EBF4: variants seen among roughly 807,000 people sequenced by gnomAD.
The protein encoded by EBF4 is EBF transcription factor 4, also known as transcription factor COE4.
A neutral mutation model predicts 67.1 loss-of-function variants in EBF4; 34 were observed. The ratio of observed to expected loss-of-function variants is 0.51; its 90% CI spans 0.39 to 0.67. EBF4 has a LOEUF of 0.67. EBF4 is among the 30% of genes least tolerant of loss of function. The probability of loss-of-function intolerance (pLI) is 0.00; values close to 1 mark genes in which losing one functional copy is unlikely to be tolerated. For missense variants in EBF4, 837 were observed against 873.3 expected, an observed-to-expected ratio of 0.96 and a Z score of 0.52; for synonymous variants, 387 against 377.7, an observed-to-expected ratio of 1.02 and a Z score of -0.29.
In EBF4 at chr20:2,756,376, T is replaced by A. The variant is rs1395083147; in HGVS notation, c.1738+552T>A. Reference sequence around the variant, plus strand: ...TGGCTGTTCTCTCACTTTACCCATGTGCAGCAGAACCTTTGAACCAGCAGA... The same window carrying A: ...TGGCTGTTCTCTCACTTTACCCATGAGCAGCAGAACCTTTGAACCAGCAGA... On this transcript the variant is annotated intron_variant, in intron 15 of 16. Transcript: ENST00000609451. This position sits in a 1 kb window ranked among gnomAD's most constrained non-coding sequence, Gnocchi z 4.5. Among the ~76,000 whole-genome samples the A allele has an allele frequency of 6.6e-6, 1 of 152,258 alleles. No homozygotes were observed. Among genetic ancestry groups the A allele is most frequent in the East Asian group, 1.9e-4 (1 of 5,200 alleles).
chr20:2,698,759 C>G (rs767900045), intron 1 of EBF4, among the ~76,000 whole-genome samples: 1 of 152,136 alleles, frequency 6.6e-6, no homozygotes, highest in Admixed American at 6.5e-5. Context: ...TAGGGCTTGT[C>G]CCCCGTAGCC....
intron 6 of EBF4, among the ~76,000 whole-genome samples, chr20:2,715,635 C>G (rs543801170): frequency 1.2e-4 from 19 of 152,362 alleles, no homozygotes; most frequent in African/African-American, 4.6e-4. Context: ...AATAATGTCA[C>G]ACTTCTTATC....
At chr20:2,728,211 G>A (rs139943639) in intron 6 of EBF4, among the ~76,000 whole-genome samples, 19 of 152,226 alleles carry the variant, frequency 1.2e-4, no homozygotes, top group African/African-American at 4.1e-4. Flanking sequence ...AAACCTGCTC[G>A]GTGAGATCAT....
intron 2 of EBF4, 58 bp downstream of exon 2, chr20:2,705,791 A>G (rs1471167952): frequency 6.1e-6 from 3 of 494,928 alleles, no homozygotes; most frequent in Admixed American, 5.4e-5. Context: ...CCAACCACAC[A>G]CACACACACA....
In EBF4 at chr20:2,705,728, G is replaced by A. The variant is rs1255044427; in HGVS notation, c.289G>A (p.Asp97Asn). ...AGCCTTCATCGACTTCGTGGAAAAG[G>A]ACCGAGTGAGAGGCTCATGGGCTTG... The change falls in exon 2 of 17, where the codon GAC becomes AAC. Residue 97 changes from aspartate (D) to asparagine (N), a missense_variant. Asp to Asn is a conservative substitution (Grantham distance 23, BLOSUM62 1). This residue lies in a region of EBF4 where 226 missense variants were observed against 306.5 expected (regional missense o/e 0.74). Transcript: ENST00000609451. 2.6e-6 allele frequency: 4 copies of A among 1,549,976 alleles called. No homozygotes were observed. In the Admixed American group the frequency reaches 7.9e-5, roughly 30 times the overall value.
At chr20:2,721,885 A>G (rs983003082) in intron 6 of EBF4, among the ~76,000 whole-genome samples, 7 of 152,092 alleles carry the variant, frequency 4.6e-5, no homozygotes, top group African/African-American at 1.7e-4. Context: ...TTCCTTACAG[A>G]TCTTTTTTTA....
chr20:2,711,561 T>C (rs1600211759), intron 6 of EBF4, among the ~76,000 whole-genome samples: 1 of 152,364 alleles, frequency 6.6e-6, no homozygotes, highest in East Asian at 1.9e-4. Flanking sequence ...CCAACAGCAT[T>C]GAAACCAGCA....
chr20:2,705,684 C>G (rs2087443400), exon 2 of EBF4: 3 of 1,551,510 alleles, frequency 1.9e-6, no homozygotes, highest in Non-Finnish European at 2.6e-6. Context: ...CAGGGGCAGC[C>G]CGTGGAGGTG....
chr20:2,722,730 T>C (rs1464565865), intron 6 of EBF4, among the ~76,000 whole-genome samples: 1 of 152,240 alleles, frequency 6.6e-6, no homozygotes, highest in Non-Finnish European at 1.5e-5. Context: ...CATTGTGTAA[T>C]ATCTATTGTC....
At chr20:2,702,961 G>A (rs1568566626) in intron 1 of EBF4, among the ~76,000 whole-genome samples, 1 of 152,114 alleles carries the variant, frequency 6.6e-6, no homozygotes, top group South Asian at 2.1e-4. Flanking sequence ...CAACAAAAGT[G>A]CTCCGTAGTC....
Position 2,752,277 on chromosome 20 carries a change from G to C in EBF4, c.1351+14G>C, listed in dbSNP as rs987407416. The C allele has an allele frequency of 3.2e-5, 39 of 1,226,658 alleles. No individual in the cohort carries two copies. The highest frequency in any genetic ancestry group is 1.1e-5 in the Non-Finnish European group (11 of 986,932). 76.0% of individuals were successfully genotyped at this position (1,226,658 alleles called of 1,614,324 possible). A position where few individuals can be genotyped will look rare whatever the true frequency, so the allele number is the denominator to read the frequency against. Reference sequence around the variant, plus strand: ...GGCCCGAGCCGGGTGCGTGGGCCGCGCCTCCCCGCCGTCCTCGGGCGCCGC... The same window carrying C: ...GGCCCGAGCCGGGTGCGTGGGCCGCCCCTCCCCGCCGTCCTCGGGCGCCGC... On this transcript the variant is annotated intron_variant, in intron 13 of 16. Transcript: ENST00000609451.
At chr20:2,722,636 G>A (rs992026748) in intron 6 of EBF4, among the ~76,000 whole-genome samples, 3 of 152,224 alleles carry the variant, frequency 2.0e-5, no homozygotes, top group Admixed American at 6.5e-5. Context: ...CTATGCCACA[G>A]CCTGAAAACA....
rs1277010050 is a variant in EBF4, at chr20:2,749,539, C to T, written c.757+21C>T. 3 of 1,541,062 alleles carry T rather than the reference C, an allele frequency of 1.9e-6. No individual in the cohort carries two copies. In the Admixed American group the frequency reaches 6.0e-5, roughly 31 times the overall value. On this transcript the variant is annotated intron_variant, in intron 8 of 16. Coordinates refer to ENST00000609451, the Ensembl canonical transcript of EBF4. ...CGAAGGTCAGGACCCCCGGCCCAGCCCCGGCCGCCGCGGGCCCAGCCAGCC... is the reference window on the plus strand; with the variant it reads ...CGAAGGTCAGGACCCCCGGCCCAGCTCCGGCCGCCGCGGGCCCAGCCAGCC...
chr20:2,707,827 C>T lies in EBF4; in HGVS notation c.415-120C>T. ...CCCAGAGCAAGGCAGAGGGCGTGCTCTTCCCTGGGGCAGGGTCTCCCTGGG... is the reference window on the plus strand; with the variant it reads ...CCCAGAGCAAGGCAGAGGGCGTGCTTTTCCCTGGGGCAGGGTCTCCCTGGG... On this transcript the variant is annotated intron_variant, in intron 4 of 16. Coordinates refer to ENST00000609451, the Ensembl canonical transcript of EBF4. The surrounding 1 kb of genome is among the most constrained non-coding windows in gnomAD (Gnocchi z 4.6). 2 of 1,019,196 alleles carry T rather than the reference C, an allele frequency of 2.0e-6. No homozygotes were observed. Among genetic ancestry groups the T allele is most frequent in the South Asian group, 3.7e-5 (2 of 54,296 alleles). 63.1% of individuals were successfully genotyped at this position (1,019,196 alleles called of 1,614,324 possible). A position where few individuals can be genotyped will look rare whatever the true frequency, so the allele number is the denominator to read the frequency against.
intron 1 of EBF4, among the ~76,000 whole-genome samples, chr20:2,702,965 C>A (rs2087397326): frequency 6.6e-6 from 1 of 152,060 alleles, no homozygotes; most frequent in Non-Finnish European, 1.5e-5. Flanking sequence ...AAAAGTGCTC[C>A]GTAGTCAGGT....
rs191423385 is a variant in EBF4, at chr20:2,749,767, G to T, written c.891+14G>T. ...GTGTGGAGCGAGGTGGGCCAACCCC[G>T]CCAGTCTCCCTCTGGGCCTAGGGGC... On this transcript the variant is annotated intron_variant, in intron 9 of 16. Transcript: ENST00000609451. 126 of 1,495,984 alleles carry T rather than the reference G, an allele frequency of 8.4e-5. No homozygotes were observed. The highest frequency in any genetic ancestry group is 9.4e-5 in the Non-Finnish European group (105 of 1,122,416). The allele number at this position is 1,495,984 out of a possible 1,614,324, so 92.7% of individuals were successfully genotyped here.
chr20:2,706,041 A>C lies in EBF4; in HGVS notation c.358+4A>C, dbSNP rs560193271. On this transcript the variant is annotated splice_donor_region_variant and intron_variant, in intron 3 of 16. Transcript: ENST00000609451. The stretch of plus-strand genomic sequence containing the variant: ...CTCCGGCTGGTGTATAACAATGGTG[A>C]GTGGAGGCCCCTGCCCTACCCAGCC... 1.9e-6 allele frequency: 3 copies of C among 1,551,486 alleles called. No homozygotes were observed. Among genetic ancestry groups the C allele is most frequent in the Non-Finnish European group, 2.6e-6 (3 of 1,146,922 alleles).
exon 8 of EBF4, chr20:2,749,460 G>A: frequency 6.5e-7 from 1 of 1,549,038 alleles, no homozygotes; most frequent in Non-Finnish European, 8.7e-7. Context: ...CCGACAACAT[G>A]TTTGTGCACA....
At position 2,739,553 on chromosome 20, in the gene EBF4, A is replaced by G. The variant is rs1369796292; in HGVS notation, c.558-8996A>G. Among the ~76,000 whole-genome samples the G allele has an allele frequency of 6.6e-6, 1 of 152,110 alleles. No individual in the cohort carries two copies. Among genetic ancestry groups the G allele is most frequent in the Non-Finnish European group, 1.5e-5 (1 of 68,020 alleles). On this transcript the variant is annotated intron_variant, in intron 6 of 16. Coordinates refer to ENST00000609451, the Ensembl canonical transcript of EBF4. This position sits in a 1 kb window ranked among gnomAD's most constrained non-coding sequence, Gnocchi z 4.5. ...TGTAATTTCCTTAAGATTTTATACA[A>G]TGCCGCAGTGCCTAACACATAGAAG... is the stretch of plus-strand genomic sequence containing the variant.
Sources: gnomAD v4.1 joint callset for allele counts (sites outside exome capture counted in the v4.1 genomes callset) on GRCh38, gnomAD v4.1.1 for gene constraint, gnomAD v4.1.1 regional missense constraint, Gnocchi (gnomAD v3.1) non-coding constraint, MANE v1.5 for transcripts, NCBI Gene and HGNC (gene_info 2026-07-23, HGNC 2026-07-21) for gene names.